PGR: variants seen among roughly 807,000 people sequenced by gnomAD.
The protein encoded by PGR is progesterone receptor, also known as nuclear receptor subfamily 3 group C member 3.
A neutral mutation model predicts 76.1 loss-of-function variants in PGR; 25 were observed. The ratio of observed to expected loss-of-function variants is 0.33; its 90% CI spans 0.24 to 0.46. PGR has a LOEUF of 0.46. Ranked by LOEUF, PGR falls within the 20% of genes least tolerant of loss-of-function variation. The pLI, the probability that PGR is intolerant of heterozygous loss-of-function variation, is 1.00. For missense variants in PGR, 1,172 were observed against 1,225.3 expected (o/e 0.96, Z 0.65); for synonymous variants, 579 against 535.0 (o/e 1.08, Z -1.14).
chr11:101,103,916 A>C (rs1347724969), intron 2 of PGR, among the ~76,000 whole-genome samples: 2 of 152,230 alleles, frequency 1.3e-5, no homozygotes, highest in African/African-American at 4.8e-5. Flanking sequence ...TTAGCTATAT[A>C]ACCTTGAGCA....
chr11:101,122,639 C>G (rs745970731), intron 2 of PGR, among the ~76,000 whole-genome samples: 1 of 152,202 alleles, frequency 6.6e-6, no homozygotes, highest in Admixed American at 6.5e-5. Flanking sequence ...ATACTATATC[C>G]TAAACAGTTC....
At chr11:101,053,965 G>C (rs895160167) in intron 4 of PGR, among the ~76,000 whole-genome samples, 1 of 152,058 alleles carries the variant, frequency 6.6e-6, no homozygotes, top group Non-Finnish European at 1.5e-5. Context: ...TTGGCCCATG[G>C]AACATATACT....
intron 3 of PGR, among the ~76,000 whole-genome samples, chr11:101,084,628 A>C (rs1461221644): frequency 1.1e-5 from 1 of 88,272 alleles, no homozygotes; most frequent in Non-Finnish European, 3.5e-5. Context: ...ACTGCACTCC[A>C]GCCTGGGCAT....
chr11:101,097,218 T>C (rs1166921467), intron 2 of PGR, among the ~76,000 whole-genome samples: 1 of 152,236 alleles, frequency 6.6e-6, no homozygotes, highest in African/African-American at 2.4e-5. Flanking sequence ...ATGTTCTTTA[T>C]GCTCCAGAGT....
At chr11:101,102,806 C>A (rs1445213805) in intron 2 of PGR, among the ~76,000 whole-genome samples, 1 of 137,216 alleles carries the variant, frequency 7.3e-6, no homozygotes, top group Non-Finnish European at 1.5e-5. Flanking sequence ...ATCTTTTTTG[C>A]ACCAGGGACA....
Position 101,128,192 on chromosome 11 carries a change from GC to G in PGR, c.878del (p.Arg293ProfsTer8). ...CCATCACCGTGGTGGCCAGCGGGGA[GC>G]GCCCGGGCGCCATCGGCGCGTCCTG... ...VEQDAPMAPG[R>X]SPLATTVMDF... On this transcript the variant is annotated frameshift_variant, in exon 1 of 8. Transcript: ENST00000325455. LOFTEE classifies it high-confidence loss of function. 6.3e-7 allele frequency: 1 copy of G among 1,598,426 alleles called. No homozygotes were observed. Among genetic ancestry groups the G allele is most frequent in the Non-Finnish European group, 8.5e-7 (1 of 1,179,640 alleles).
rs147848958 is a variant in PGR at position 101,050,095 on chromosome 11, C to T, written c.2358-36G>A. The stretch of plus-strand genomic sequence containing the variant: ...ACACAATACACAAAAGAAAAAGCAA[C>T]AGGAAAAAAAATAGTGTCTCAGCCA... On this transcript the variant is annotated intron_variant, in intron 5 of 7. Coordinates refer to ENST00000325455, the MANE Select transcript of PGR (RefSeq NM_000926.4). 1.2e-5 allele frequency: 20 copies of T among 1,607,800 alleles called. No homozygotes were observed. In the African/African-American group the frequency reaches 2.7e-4, roughly 22 times the overall value.
At chr11:101,056,191 T>C (rs1399781560) in intron 4 of PGR, among the ~76,000 whole-genome samples, 2 of 151,140 alleles carry the variant, frequency 1.3e-5, no homozygotes, top group African/African-American at 2.4e-5. Flanking sequence ...AACCTTCACA[T>C]GGAGAAGTGA....
Position 101,129,341 on chromosome 11 carries a change from G to A in PGR, c.-271C>T. On this transcript the variant is annotated 5_prime_UTR_variant, in exon 1 of 8. Coordinates refer to ENST00000325455, the MANE Select transcript of PGR (RefSeq NM_000926.4). ...GGGAGCGCAAGAAAAAGTAGTAATT[G>A]TTAGGAGATCTCGTCTCCTAACTCG... The A allele has an allele frequency of 2.2e-6, 1 of 448,120 alleles. No homozygotes were observed. Among genetic ancestry groups the A allele is most frequent in the Non-Finnish European group, 4.0e-6 (1 of 253,144 alleles). The allele number at this position is 448,120 out of a possible 1,614,324, so 27.8% of individuals were successfully genotyped here. A position where few individuals can be genotyped will look rare whatever the true frequency, so the allele number is the denominator to read the frequency against.
At chr11:101,072,688 T>C (rs1006295628) in intron 3 of PGR, among the ~76,000 whole-genome samples, 2 of 152,130 alleles carry the variant, frequency 1.3e-5, no homozygotes, top group African/African-American at 4.8e-5. Flanking sequence ...TAGTCTCTGA[T>C]AAAACAGACT....
intron 1 of PGR, 104 bp downstream of exon 1, chr11:101,127,330 A>C: frequency 1.2e-6 from 1 of 817,100 alleles, no homozygotes; most frequent in Non-Finnish European, 1.8e-6. Context: ...CGCCCCGGGG[A>C]GCGCAGCGGT....
rs1198052425 is a variant in PGR at position 101,128,443 on chromosome 11, C to T, written c.628G>A (p.Val210Met). The T allele has an allele frequency of 1.2e-6, 2 of 1,610,270 alleles. No homozygotes were observed. The highest frequency in any genetic ancestry group is 1.3e-5 in the African/African-American group (1 of 74,948). Residue 210 changes from valine to methionine, a missense_variant, in exon 1 of 8, where the codon GTG becomes ATG. Physicochemically the swap from Val to Met is conservative, Grantham distance 21. Around this residue, in one of 4 missense-constraint regions of PGR, gnomAD observed 893 missense variants for 785.9 expected, o/e 1.14. Transcript: ENST00000325455. The part of the protein sequence containing the change: ...SESPHWSGAP[V>M]KPSPQAAAVE... ...GCAGCGGCCTGCGGAGACGGCTTCA[C>T]TGGGGCCCCGGACCAGTGAGGGCTC...
chr11:101,085,059 C>G (rs972204586), intron 3 of PGR, among the ~76,000 whole-genome samples: 1 of 152,170 alleles, frequency 6.6e-6, no homozygotes, highest in Non-Finnish European at 1.5e-5. Context: ...AAATTCTGGA[C>G]TTAAACTCAA....
intron 6 of PGR, among the ~76,000 whole-genome samples, chr11:101,047,592 C>T (rs2135388577): frequency 6.6e-6 from 1 of 152,256 alleles, no homozygotes; most frequent in Middle Eastern, 3.4e-3. Flanking sequence ...TCCTGATCTG[C>T]ACCCCCTAGC....
Position 101,037,973 on chromosome 11 carries a change from C to T in PGR, c.*1143G>A, listed in dbSNP as rs1322599343. On this transcript the variant is annotated 3_prime_UTR_variant, in exon 8 of 8. Transcript: ENST00000325455. ...GTAAACTCTAGGAGAAGGCAAATTA[C>T]TGCTTGGAAGACTCAGGGAAGATTT... The T allele has an allele frequency of 3.3e-5, 7 of 211,158 alleles. No homozygotes were observed. Among genetic ancestry groups the T allele is most frequent in the Non-Finnish European group, 5.8e-5 (6 of 104,044 alleles). 13.1% of individuals were successfully genotyped at this position (211,158 alleles called of 1,614,324 possible).
At chr11:101,056,448 A>G (rs1261936181) in intron 4 of PGR, among the ~76,000 whole-genome samples, 1 of 152,032 alleles carries the variant, frequency 6.6e-6, no homozygotes, top group African/African-American at 2.4e-5. Context: ...AGACCAGCCA[A>G]GACCCAGTCT....
At chr11:101,095,490 C>A (rs1255469510) in intron 2 of PGR, among the ~76,000 whole-genome samples, 1 of 152,156 alleles carries the variant, frequency 6.6e-6, no homozygotes, top group East Asian at 1.9e-4. Flanking sequence ...ATCAAAGCAA[C>A]CTTTGGAGGT....
At position 101,127,549 on chromosome 11, in the gene PGR, C is replaced by T; in HGVS notation, c.1522G>A (p.Ala508Thr). Residue 508 changes from alanine to threonine, a missense_variant, in exon 1 of 8, where the codon GCC becomes ACC. Coordinates refer to ENST00000325455, the MANE Select transcript of PGR (RefSeq NM_000926.4). The part of the protein sequence containing the change: ...TSASAAAAGA[A>T]PALYPALGLN... The stretch of plus-strand genomic sequence containing the variant: ...CCGAGTGCAGGGTAGAGCGCGGGGG[C>T]CGCCCCGGCGGCGGCGGCAGAGGCG... The T allele has an allele frequency of 1.1e-5, 15 of 1,403,992 alleles. No individual in the cohort carries two copies. The highest frequency in any genetic ancestry group is 1.4e-5 in the Non-Finnish European group (15 of 1,077,356). The allele number at this position is 1,403,992 out of a possible 1,614,324, so 87.0% of individuals were successfully genotyped here.
chr11:101,047,232 T>C (rs563649926), intron 6 of PGR, among the ~76,000 whole-genome samples: 1 of 152,202 alleles, frequency 6.6e-6, no homozygotes, highest in Non-Finnish European at 1.5e-5. Flanking sequence ...AATTCCATTG[T>C]TGTTTAATTC....
Sources: allele counts gnomAD v4.1 joint callset (sites outside exome capture counted in the v4.1 genomes callset), GRCh38; gene constraint gnomAD v4.1.1; regional missense constraint gnomAD v4.1.1; transcripts MANE v1.5; gene names NCBI Gene and HGNC (gene_info 2026-07-23, HGNC 2026-07-21).